Variants in SLC25A29 observed in about 807,000 individuals in gnomAD.
The protein encoded by SLC25A29 is mitochondrial basic amino acids transporter.
Under a neutral mutation model 10.0 loss-of-function variants are expected in SLC25A29, and 13 were observed. The ratio of observed to expected loss-of-function variants is 1.30; its 90% confidence interval spans 0.85 to 2.07. SLC25A29 has a LOEUF of 2.07. Ranked by LOEUF, SLC25A29 falls within the 30% of genes most tolerant of loss-of-function variation. The pLI is 0.00. For missense variants in SLC25A29, 475 were observed against 447.6 expected (o/e 1.06, Z -0.55); for synonymous variants, 244 against 221.1 (o/e 1.10, Z -0.92).
Position 100,292,069 on chromosome 14 carries a change from T to C in SLC25A29, c.*214A>G. 1.7e-6 allele frequency: 1 copy of C among 601,976 alleles called. No homozygotes were observed. Among genetic ancestry groups the C allele is most frequent in the South Asian group, 1.9e-5 (1 of 53,248 alleles). 37.3% of individuals were successfully genotyped at this position (601,976 alleles called of 1,614,324 possible). A position where few individuals can be genotyped will look rare whatever the true frequency, so the allele number is the denominator to read the frequency against. On this transcript the variant is annotated 3_prime_UTR_variant, in exon 4 of 4. Coordinates refer to ENST00000359232, the MANE Select transcript of SLC25A29 (RefSeq NM_001039355.3). ...ATCTCTGAGCTTCGTGACTCTACAG[T>C]GTGGGCATGAGGGTCCTTATTTCAT...
Position 100,292,115 on chromosome 14 carries a change from G to A in SLC25A29, c.*168C>T, listed in dbSNP as rs1474954575. On this transcript the variant is annotated 3_prime_UTR_variant, in exon 4 of 4. Transcript: ENST00000359232. ...TTCATAGATGAGAACACTGAGGCAA[G>A]TGCAGTTCTCGGCCAAAACTACCCA... 1.3e-6 allele frequency: 1 copy of A among 792,872 alleles called. No individual in the cohort carries two copies. The highest frequency in any genetic ancestry group is 2.1e-6 in the Non-Finnish European group (1 of 482,362). The allele number at this position is 792,872 out of a possible 1,614,324, so 49.1% of individuals were successfully genotyped here. A position where few individuals can be genotyped will look rare whatever the true frequency, so the allele number is the denominator to read the frequency against.
downstream of SLC25A29, among the ~76,000 whole-genome samples, chr14:100,286,584 C>T (rs1891549220): frequency 6.6e-6 from 1 of 152,090 alleles, no homozygotes; most frequent in Admixed American, 6.5e-5. Flanking sequence ...GCCCCTGGGG[C>T]ACAGGCCCAT....
Position 100,292,625 on chromosome 14 carries a change from G to A in SLC25A29, c.570C>T (p.Pro190=), listed in dbSNP as rs149207234. ...ACGTACCGCCCGCCAACAGCAGCTT[G>A]GGCACCAGCAGGCGGTCGCCCGGCT... ...GCEPGDRLLV[P]KLLLAGGTSG... is the part of the protein sequence containing the mutation. Residue 190 remains proline, a synonymous_variant, in exon 4 of 4, where the codon CCC becomes CCT. Coordinates refer to ENST00000359232, the MANE Select transcript of SLC25A29 (RefSeq NM_001039355.3). 4.4e-6 allele frequency: 7 copies of A among 1,606,922 alleles called. No individual in the cohort carries two copies. In the African/African-American group the frequency reaches 8.0e-5, roughly 18 times the overall value.
At position 100,306,303 on chromosome 14, in the gene SLC25A29, G is replaced by C; in HGVS notation, c.-71C>G. On this transcript the variant is annotated 5_prime_UTR_variant, in exon 1 of 4. Transcript: ENST00000359232. ...GAGGCCCCTCGCCGGGCTGGGCGCC[G>C]TCGGGGTCCCCGAGCGCGCGGTGCC... is the stretch of plus-strand genomic sequence containing the variant. 1 of 1,305,850 alleles carries C rather than the reference G, an allele frequency of 7.7e-7. No homozygotes were observed. Among genetic ancestry groups the C allele is most frequent in the Non-Finnish European group, 9.7e-7 (1 of 1,028,790 alleles). 80.9% of individuals were successfully genotyped at this position (1,305,850 alleles called of 1,614,324 possible). A position where few individuals can be genotyped will look rare whatever the true frequency, so the allele number is the denominator to read the frequency against.
At chr14:100,286,510 G>T (rs1168942556), downstream of SLC25A29, among the ~76,000 whole-genome samples, 2 of 151,584 alleles carry the variant, frequency 1.3e-5, no homozygotes, top group South Asian at 2.1e-4. Flanking sequence ...GCTGGTGGGG[G>T]CGTCTGGCAT....
downstream of SLC25A29, among the ~76,000 whole-genome samples, chr14:100,286,519 A>C (rs1891548049): frequency 6.8e-6 from 1 of 146,838 alleles, no homozygotes; most frequent in African/African-American, 2.6e-5. Flanking sequence ...GGCGTCTGGC[A>C]TTCCCCACGA....
the SLC25A29 span, among the ~76,000 whole-genome samples, chr14:100,285,295 C>T: frequency 6.6e-6 from 1 of 150,568 alleles, no homozygotes; most frequent in African/African-American, 2.4e-5. Context: ...TTGTCCCAGC[C>T]CTTCCCTGCC....
At position 100,292,652 on chromosome 14, in the gene SLC25A29, G is replaced by A. The variant is rs1381072944; in HGVS notation, c.543C>T (p.Cys181=). ...GCACCAGCAGGCGGTCGCCCGGCTCGCAGCCCAGCGCCCGCGTGAGAGCGT... is the reference window on the plus strand; with the variant it reads ...GCACCAGCAGGCGGTCGCCCGGCTCACAGCCCAGCGCCCGCGTGAGAGCGT... ...TYDALTRALG[C]EPGDRLLVPK... is the part of the protein sequence containing the mutation. The change falls in exon 4 of 4, where the codon TGC becomes TGT. Residue 181 remains cysteine (C), a synonymous_variant. Coordinates refer to ENST00000359232, the MANE Select transcript of SLC25A29 (RefSeq NM_001039355.3). 1.3e-6 allele frequency: 2 copies of A among 1,596,300 alleles called. No individual in the cohort carries two copies. The highest frequency in any genetic ancestry group is 1.1e-5 in the South Asian group (1 of 88,798).
the SLC25A29 span, among the ~76,000 whole-genome samples, chr14:100,284,194 TGC>T: frequency 6.6e-6 from 1 of 152,202 alleles, no homozygotes; most frequent in Non-Finnish European, 1.5e-5. Flanking sequence ...AGCCCAAGCC[TGC>T]CTGGCTTCCA....
At chr14:100,294,710 C>G (rs1302733068) in intron 2 of SLC25A29, 1 of 152,224 alleles carries the variant, frequency 6.6e-6, no homozygotes, top group Non-Finnish European at 1.5e-5. Flanking sequence ...CGGGAACAGC[C>G]AGGCTTCTGC....
chr14:100,299,738 G>A (rs1004643790), intron 1 of SLC25A29: 3 of 985,252 alleles, frequency 3.0e-6, no homozygotes, highest in Admixed American at 6.1e-5. Context: ...GCTCAGTGAG[G>A]TCAGGTAACT....
chr14:100,295,435 T>G, intron 2 of SLC25A29: 1 of 428,062 alleles, frequency 2.3e-6, no homozygotes, highest in Non-Finnish European at 3.9e-6. Flanking sequence ...GACCCCCACA[T>G]GAGGACCCCC....
intron 2 of SLC25A29, chr14:100,298,610 CCTCGGTTCCAGCTGGCCAAG>C: frequency 1.7e-6 from 1 of 597,940 alleles, no homozygotes; most frequent in Non-Finnish European, 3.0e-6. Flanking sequence ...AACCTCAGCA[CCTCGGTTCCAGCTGGCCAAG>C]CCCAGGATGG....
rs544300557 is a variant in SLC25A29, at chr14:100,297,694, C to G, written c.78+1148G>C. On this transcript the variant is annotated intron_variant, in intron 2 of 3. Coordinates refer to ENST00000359232, the MANE Select transcript of SLC25A29 (RefSeq NM_001039355.3). ...ACTCTCGGCAGGCCGGTGCAGCAAACGTGGGGCCGCTGCCTGCCAAGAAAG... is the reference window on the plus strand; with the variant it reads ...ACTCTCGGCAGGCCGGTGCAGCAAAGGTGGGGCCGCTGCCTGCCAAGAAAG... 1.1e-4 allele frequency among the ~76,000 whole-genome samples: 16 copies of G among 152,344 alleles called. 1 individual carries two copies. In the East Asian group the frequency reaches 3.1e-3, roughly 29 times the overall value.
At chr14:100,303,028 C>T (rs950012744) in intron 1 of SLC25A29, among the ~76,000 whole-genome samples, 1 of 152,164 alleles carries the variant, frequency 6.6e-6, no homozygotes, top group Non-Finnish European at 1.5e-5. Flanking sequence ...CTTCCAGAGC[C>T]TCTAACATTC....
rs1177767455 is a variant in SLC25A29, at chr14:100,295,955, G to C, written c.79-2578C>G. 8 of 1,289,660 alleles carry C rather than the reference G, an allele frequency of 6.2e-6. No individual in the cohort carries two copies. In the Admixed American group the frequency reaches 6.9e-5, roughly 11 times the overall value. 79.9% of individuals were successfully genotyped at this position (1,289,660 alleles called of 1,614,324 possible). ...GGTGGCTGTGGTTCTGGGCGCTATA[G>C]AGGAGATCCAGATCTTGGATTCTTT... On this transcript the variant is annotated intron_variant, in intron 2 of 3. Coordinates refer to ENST00000359232, the MANE Select transcript of SLC25A29 (RefSeq NM_001039355.3).
At chr14:100,293,633 G>A (rs1891938156) in intron 2 of SLC25A29, 1 of 510,890 alleles carries the variant, frequency 2.0e-6, no homozygotes, top group Non-Finnish European at 3.6e-6. Context: ...GACCAATTCA[G>A]GTTAAGCCTC....
chr14:100,295,517 G>A (rs764373465), intron 2 of SLC25A29: 216 of 1,189,488 alleles, frequency 1.8e-4, no homozygotes, highest in Non-Finnish European at 2.2e-4. Flanking sequence ...GCCCAAGCTT[G>A]CCTCACACCC....
intron 3 of SLC25A29, 36 bp downstream of exon 3, chr14:100,293,258 T>C: frequency 6.2e-7 from 1 of 1,605,350 alleles, no homozygotes; most frequent in Non-Finnish European, 8.5e-7. Flanking sequence ...TTCCCCATCC[T>C]GTGCCTCCCG....
Sources: allele counts gnomAD v4.1 joint callset (sites outside exome capture counted in the v4.1 genomes callset), GRCh38; gene constraint gnomAD v4.1.1; transcripts MANE v1.5; gene names NCBI Gene and HGNC (gene_info 2026-07-23, HGNC 2026-07-21).